Variants in SAMD7 observed in about 807,000 individuals in gnomAD.
The protein encoded by SAMD7 is sterile alpha motif domain-containing protein 7.
Under a neutral mutation model 36.7 loss-of-function variants are expected in SAMD7, and 34 were observed. The observed-to-expected ratio is 0.93, with a 90% confidence interval of 0.71 to 1.23. The LOEUF is 1.23. Among genes scored for constraint, SAMD7 ranks in the 50% most tolerant of loss-of-function variants. The probability of loss-of-function intolerance (pLI) is 0.00; values close to 1 mark genes in which losing one functional copy is unlikely to be tolerated. For missense variants in SAMD7, 570 were observed against 546.6 expected (o/e 1.04, Z -0.43); for synonymous variants, 188 against 189.7 (o/e 0.99, Z 0.07).
intron 1 of SAMD7, among the ~76,000 whole-genome samples, chr3:169,913,607 A>G (rs978277597): frequency 6.6e-6 from 1 of 152,218 alleles, no homozygotes; most frequent in African/African-American, 2.4e-5. Context: ...GGGTCAGAGA[A>G]ATCCAGGCTG....
At chr3:169,938,203 G>A (rs2108267969) in intron 8 of SAMD7, 115 bp from the exon 9 acceptor site, 2 of 675,388 alleles carry the variant, frequency 3.0e-6, no homozygotes, top group South Asian at 3.8e-5. Flanking sequence ...ACAACTATAT[G>A]TTAATAGATG....
intron 6 of SAMD7, among the ~76,000 whole-genome samples, chr3:169,927,393 C>G (rs1051257820): frequency 7.0e-6 from 1 of 142,996 alleles, no homozygotes; most frequent in African/African-American, 2.6e-5. Flanking sequence ...CTGCCGGGTT[C>G]ACGCCATTCT....
At chr3:169,922,699 C>T (rs1048569371) in intron 4 of SAMD7, among the ~76,000 whole-genome samples, 4 of 152,100 alleles carry the variant, frequency 2.6e-5, no homozygotes, top group Non-Finnish European at 4.4e-5. Flanking sequence ...AGAGTTTCAC[C>T]CTGTTGGCCA....
At chr3:169,936,979 A>G (rs1203816215) in intron 8 of SAMD7, among the ~76,000 whole-genome samples, 1 of 152,222 alleles carries the variant, frequency 6.6e-6, no homozygotes, top group African/African-American at 2.4e-5. Context: ...CAGAAGTAAT[A>G]ATAATAGTAA....
intron 1 of SAMD7, 85 bp from the exon 2 acceptor site, chr3:169,915,282 T>A (rs1712749899): frequency 6.6e-6 from 1 of 152,312 alleles, no homozygotes; most frequent in Admixed American, 6.5e-5. Context: ...ACTTTTCCCT[T>A]CCTGGTCTTG....
intron 5 of SAMD7, among the ~76,000 whole-genome samples, chr3:169,925,405 A>G (rs886592136): frequency 5.3e-5 from 8 of 152,076 alleles, no homozygotes; most frequent in Admixed American, 5.2e-4. Flanking sequence ...ACAAACATGT[A>G]TGCAGGTTGG....
chr3:169,928,529 A>G lies in SAMD7; in HGVS notation c.992A>G (p.Asp331Gly). The G allele has an allele frequency of 6.2e-7, 1 of 1,614,048 alleles. No homozygotes were observed. Among genetic ancestry groups the G allele is most frequent in the Non-Finnish European group, 8.5e-7 (1 of 1,179,860 alleles). The change falls in exon 7 of 9, where the codon GAT becomes GGT. Residue 331 changes from aspartate to glycine, a missense_variant. Coordinates refer to ENST00000335556, the MANE Select transcript of SAMD7 (RefSeq NM_001304366.2). ...DEDIQKWTVDDVHSFIRSLPG... is the reference protein window; with the variant it reads ...DEDIQKWTVDGVHSFIRSLPG... The stretch of plus-strand genomic sequence containing the variant: ...GATATTCAGAAGTGGACCGTGGATG[A>G]TGTGCACAGCTTCATTCGCAGCCTT...
At chr3:169,933,362 C>T (rs1210235449) in intron 7 of SAMD7, 1 of 310,616 alleles carries the variant, frequency 3.2e-6, no homozygotes, top group Non-Finnish European at 6.1e-6. Flanking sequence ...ACAGGGTGGC[C>T]TTGGATGTCT....
At chr3:169,925,642 C>A (rs1713228101) in intron 5 of SAMD7, among the ~76,000 whole-genome samples, 1 of 152,136 alleles carries the variant, frequency 6.6e-6, no homozygotes, top group Non-Finnish European at 1.5e-5. Context: ...CAGAGAATTG[C>A]TTGAACCTGG....
chr3:169,924,727 G>A (rs907048560), intron 4 of SAMD7, among the ~76,000 whole-genome samples: 3 of 152,052 alleles, frequency 2.0e-5, no homozygotes, highest in Admixed American at 1.3e-4. Context: ...CAAAAAATAC[G>A]TATACTTTTA....
Position 169,926,537 on chromosome 3 carries a change from ATT to A in SAMD7, c.291-15_291-14del. On this transcript the variant is annotated splice_polypyrimidine_tract_variant and intron_variant, in intron 5 of 8. Transcript: ENST00000335556. Reference sequence around the variant, plus strand: ...GGTTTTCTTGGGCTGTATAAAATATATTGTTTTGTTTTTAGGACAGAAATGGA... The same window carrying A: ...GGTTTTCTTGGGCTGTATAAAATATAGTTTTGTTTTTAGGACAGAAATGGA... 1 of 1,592,926 alleles carries A rather than the reference ATT, an allele frequency of 6.3e-7. No homozygotes were observed. Among genetic ancestry groups the A allele is most frequent in the Non-Finnish European group, 8.6e-7 (1 of 1,168,132 alleles).
chr3:169,931,753 G>C (rs950641073), intron 7 of SAMD7, among the ~76,000 whole-genome samples: 99 of 152,308 alleles, frequency 6.5e-4, no homozygotes, highest in African/African-American at 2.3e-3. Flanking sequence ...GGGAGCTGCA[G>C]TGGTGGTGGC....
intron 7 of SAMD7, chr3:169,933,353 C>A: frequency 3.1e-6 from 1 of 322,990 alleles, no homozygotes; most frequent in Non-Finnish European, 5.8e-6. Context: ...TGACAGGGGA[C>A]AGGGTGGCCT....
Position 169,920,687 on chromosome 3 carries a change from T to C in SAMD7, c.87-527T>C, listed in dbSNP as rs140788888. ...CCTTCCCTTGTTTTTTTGTTTTTTGTTGTTGTTGTTTAGAATATTTTGACC... is the reference window on the plus strand; with the variant it reads ...CCTTCCCTTGTTTTTTTGTTTTTTGCTGTTGTTGTTTAGAATATTTTGACC... On this transcript the variant is annotated intron_variant, in intron 3 of 8. Coordinates refer to ENST00000335556, the MANE Select transcript of SAMD7 (RefSeq NM_001304366.2). 8.2e-3 allele frequency among the ~76,000 whole-genome samples: 1,254 copies of C among 152,266 alleles called. 16 individuals carry two copies. The highest frequency in any genetic ancestry group is 0.029 in the African/African-American group (1,185 of 41,548).
intron 2 of SAMD7, among the ~76,000 whole-genome samples, chr3:169,917,367 T>C (rs905550572): frequency 6.6e-6 from 1 of 152,182 alleles, no homozygotes; most frequent in Non-Finnish European, 1.5e-5. Flanking sequence ...AGTATCTTTT[T>C]CTTTAAATAT....
At chr3:169,920,210 A>T (rs1178506937) in intron 3 of SAMD7, among the ~76,000 whole-genome samples, 1 of 152,184 alleles carries the variant, frequency 6.6e-6, no homozygotes, top group African/African-American at 2.4e-5. Context: ...ATAATAAAAT[A>T]CTAAATACTG....
chr3:169,917,096 G>A (rs1232673667), intron 2 of SAMD7, among the ~76,000 whole-genome samples: 4 of 152,214 alleles, frequency 2.6e-5, no homozygotes. Flanking sequence ...TGGAGATAAA[G>A]AACTTTAATA....
chr3:169,917,444 T>C (rs1042350465), intron 2 of SAMD7, among the ~76,000 whole-genome samples: 16 of 152,050 alleles, frequency 1.1e-4, no homozygotes, highest in Non-Finnish European at 2.2e-4. Flanking sequence ...TTTTAATTTT[T>C]AATTTTCATG....
chr3:169,920,163 A>C (rs1712986202), intron 3 of SAMD7, among the ~76,000 whole-genome samples: 1 of 152,238 alleles, frequency 6.6e-6, no homozygotes, highest in African/African-American at 2.4e-5. Flanking sequence ...AACAAGAGCG[A>C]AACTCCATCT....
Sources: gnomAD v4.1 joint callset for allele counts (sites outside exome capture counted in the v4.1 genomes callset) on GRCh38, gnomAD v4.1.1 for gene constraint, MANE v1.5 for transcripts, NCBI Gene and HGNC (gene_info 2026-07-23, HGNC 2026-07-21) for gene names.